The following KAZN variants were observed in gnomAD, a reference collection of about 807,000 sequenced individuals.
The protein encoded by KAZN is kazrin, periplakin interacting protein, also known as kazrin.
In KAZN, 40 loss-of-function variants were observed where a neutral mutation model predicts 87.4. The observed-to-expected ratio is 0.46, with a 90% CI of 0.36 to 0.60. The LOEUF (loss-of-function observed/expected upper bound fraction) is 0.60, where lower values mean the gene tolerates loss of function less well. Ranked by LOEUF, KAZN falls within the 20% of genes least tolerant of loss-of-function variation. The pLI is 0.00. For synonymous variants in KAZN, 466 were observed against 458.3 expected, an observed-to-expected ratio of 1.02 and a Z score of -0.22; for missense variants, 898 against 1,073.9, an observed-to-expected ratio of 0.84 and a Z score of 2.29.
chr1:15,012,298 G>T (rs1052657544), intron 2 of KAZN, among the ~76,000 whole-genome samples: 1 of 152,192 alleles, frequency 6.6e-6, no homozygotes. Flanking sequence ...CCTCCCAGAA[G>T]AAACTTCCGC....
chr1:14,557,223 C>T (rs1237781682), intron 2 of KAZN, among the ~76,000 whole-genome samples: 1 of 152,180 alleles, frequency 6.6e-6, no homozygotes, highest in Non-Finnish European at 1.5e-5. Flanking sequence ...CACCTGGTAA[C>T]AGCATTCATT....
intron 1 of KAZN, among the ~76,000 whole-genome samples, chr1:13,932,415 T>A (rs1005600168): frequency 1.3e-5 from 2 of 151,428 alleles, no homozygotes; most frequent in Non-Finnish European, 2.9e-5. Context: ...CGCCCGCCAC[T>A]ACGCCCGGCT....
At chr1:13,996,762 G>A (rs1460566831) in intron 1 of KAZN, among the ~76,000 whole-genome samples, 1 of 152,210 alleles carries the variant, frequency 6.6e-6, no homozygotes, top group Non-Finnish European at 1.5e-5. Flanking sequence ...AGCAGACTTA[G>A]CCTTTCCTCC....
At chr1:14,222,762 C>T (rs528089445) in intron 2 of KAZN, among the ~76,000 whole-genome samples, 3 of 152,284 alleles carry the variant, frequency 2.0e-5, no homozygotes, top group South Asian at 4.1e-4. Flanking sequence ...CTAAGGATGA[C>T]GTTCTTTCAC....
intron 1 of KAZN, among the ~76,000 whole-genome samples, chr1:13,968,679 C>T (rs1335678983): frequency 6.6e-6 from 1 of 152,202 alleles, no homozygotes; most frequent in Non-Finnish European, 1.5e-5. Context: ...AGCATCAGAC[C>T]TCTTTGAAAT....
intron 1 of KAZN, among the ~76,000 whole-genome samples, chr1:14,728,943 G>A (rs1216539421): frequency 2.0e-5 from 3 of 152,130 alleles, no homozygotes; most frequent in Admixed American, 1.3e-4. Flanking sequence ...ATAACAGCAG[G>A]CCGTTTTAGA....
At chr1:14,888,798 A>G (rs1435376965) in intron 1 of KAZN, among the ~76,000 whole-genome samples, 1 of 152,132 alleles carries the variant, frequency 6.6e-6, no homozygotes, top group Non-Finnish European at 1.5e-5. Context: ...GTGCAGCTCA[A>G]TGGTGGCTCT....
intron 2 of KAZN, among the ~76,000 whole-genome samples, chr1:14,359,194 A>G (rs563020255): frequency 5.3e-4 from 80 of 152,002 alleles, no homozygotes; most frequent in African/African-American, 1.8e-3. Context: ...CTTCGTCTTT[A>G]TCTTTGTTGG....
chr1:14,121,681 C>A (rs769517065), intron 1 of KAZN, among the ~76,000 whole-genome samples: 2 of 151,912 alleles, frequency 1.3e-5, no homozygotes, highest in African/African-American at 4.8e-5. Flanking sequence ...TGTATGTGTG[C>A]GAAAAGATAG....
chr1:14,978,839 G>C (rs908945252), intron 2 of KAZN, among the ~76,000 whole-genome samples: 1 of 152,130 alleles, frequency 6.6e-6, no homozygotes, highest in Non-Finnish European at 1.5e-5. Context: ...AGTCTGTTAG[G>C]AGTAAACGGG....
intron 1 of KAZN, among the ~76,000 whole-genome samples, chr1:14,611,125 A>G (rs1251997922): frequency 2.0e-5 from 3 of 152,152 alleles, no homozygotes; most frequent in Admixed American, 6.5e-5. Flanking sequence ...TTTTCTGTGC[A>G]TCTTAGAGGA....
chr1:15,065,723 C>T lies in KAZN; in HGVS notation c.1192C>T (p.Arg398Trp), dbSNP rs1430957481. 3 of 1,614,234 alleles carry T rather than the reference C, an allele frequency of 1.9e-6. No homozygotes were observed. The highest frequency in any genetic ancestry group is 1.7e-6 in the Non-Finnish European group (2 of 1,180,036). The change falls in exon 8 of 15, where the codon CGG (arginine) becomes TGG (tryptophan). Residue 398 changes from arginine (R) to tryptophan (W), a missense_variant. By Grantham distance (101) the Arg-to-Trp change is moderately radical (BLOSUM62 -3). Transcript: ENST00000376030. ...ISRVFARGKQ[R>W]KSLDPGLFDD... ...CCGCGTCTTCGCCAGAGGGAAGCAGCGGAAGTCCCTCGACCCCGGCCTCTT... is the reference window on the plus strand; with the variant it reads ...CCGCGTCTTCGCCAGAGGGAAGCAGTGGAAGTCCCTCGACCCCGGCCTCTT...
intron 1 of KAZN, among the ~76,000 whole-genome samples, chr1:14,095,538 T>C (rs1371263983): frequency 1.3e-5 from 2 of 152,122 alleles, no homozygotes; most frequent in Non-Finnish European, 2.9e-5. Flanking sequence ...TGTCTGGGGA[T>C]CCAGGTTGGA....
At chr1:14,064,413 A>G (rs1642921596) in intron 1 of KAZN, among the ~76,000 whole-genome samples, 1 of 152,192 alleles carries the variant, frequency 6.6e-6, no homozygotes, top group African/African-American at 2.4e-5. Context: ...AACTCTGACC[A>G]GTCCGACACC....
intron 1 of KAZN, among the ~76,000 whole-genome samples, chr1:14,790,603 T>C (rs1222930132): frequency 2.6e-5 from 4 of 152,148 alleles, no homozygotes; most frequent in African/African-American, 9.7e-5. Context: ...TGGCAGTTCT[T>C]TTGTTGGGAA....
At chr1:14,397,926 G>C (rs1663041709) in intron 2 of KAZN, among the ~76,000 whole-genome samples, 1 of 150,240 alleles carries the variant, frequency 6.7e-6, no homozygotes, top group Admixed American at 6.6e-5. Context: ...GGCTTCACGA[G>C]TCCTTGCCTG....
Position 14,020,289 on chromosome 1 carries a change from T to C in KAZN, c.91+126533T>C, listed in dbSNP as rs181931081. On this transcript the variant is annotated intron_variant, in intron 1 of 16. Coordinates refer to the KAZN transcript ENST00000636203. The stretch of plus-strand genomic sequence containing the variant: ...GTTCCTAACAGGCCACGGACTGATA[T>C]TGGTTCATGGCTCAGGGTTTGGGGA... Among the ~76,000 whole-genome samples the C allele has an allele frequency of 4.7e-4, 72 of 152,252 alleles. 1 individual carries two copies. The highest frequency in any genetic ancestry group is 1.2e-3 in the African/African-American group (50 of 41,554).
chr1:15,063,268 G>A, intron 6 of KAZN: 1 of 429,114 alleles, frequency 2.3e-6, no homozygotes, highest in East Asian at 3.7e-5. Flanking sequence ...TCAGAGGACA[G>A]ACTGGGACAG....
intron 1 of KAZN, among the ~76,000 whole-genome samples, chr1:14,046,834 A>C (rs899805612): frequency 1.2e-4 from 18 of 152,180 alleles, no homozygotes; most frequent in Admixed American, 1.2e-3. Context: ...GGAGTCTCTG[A>C]ATTGCCCAAT....
Sources: allele counts gnomAD v4.1 joint callset (sites outside exome capture counted in the v4.1 genomes callset), GRCh38; gene constraint gnomAD v4.1.1; transcripts MANE v1.5; gene names NCBI Gene and HGNC (gene_info 2026-07-23, HGNC 2026-07-21).